Variants in KCNQ1OT1 observed in about 807,000 individuals in gnomAD.
The protein encoded by KCNQ1OT1 is KCNQ1 antisense RNA 2 (non-protein coding).
chr11:2,613,470 T>C lies in KCNQ1OT1; in HGVS notation n.86525A>G. 2 of 398,608 alleles carry C rather than the reference T, an allele frequency of 5.0e-6. No individual in the cohort carries two copies. The highest frequency in any genetic ancestry group is 8.8e-6 in the Non-Finnish European group (2 of 226,088). The allele number at this position is 398,608 out of a possible 1,614,324, so 24.7% of individuals were successfully genotyped here. On this transcript the variant is annotated non_coding_transcript_exon_variant, in exon 1 of 1. Transcript: ENST00000597346. This position sits in a 1 kb window ranked among gnomAD's most constrained non-coding sequence, Gnocchi z 4.8. ...AATTCAAAATCAGATGAGCCTTCTT[T>C]GTTGCTGGTCCTCAAGCCTACCGTG...
exon 1 of KCNQ1OT1, chr11:2,680,222 A>G (rs2133879528): frequency 2.5e-6 from 1 of 398,230 alleles, no homozygotes; most frequent in South Asian, 1.3e-4. Flanking sequence ...AAAAAAAAAA[A>G]AAAAAGTTGT....
rs1274854198 is a variant in KCNQ1OT1 at position 2,647,966 on chromosome 11, T to C, written n.52029A>G. On this transcript the variant is annotated non_coding_transcript_exon_variant, in exon 1 of 1. Transcript: ENST00000597346. This position sits in a 1 kb window ranked among gnomAD's most constrained non-coding sequence, Gnocchi z 4.0. Reference sequence around the variant, plus strand: ...TGTTGGCTCACACCTGTAAACCCAGTACTTTGGAAGGCCAAGGCAGGCCGA... The same window carrying C: ...TGTTGGCTCACACCTGTAAACCCAGCACTTTGGAAGGCCAAGGCAGGCCGA... The C allele has an allele frequency of 2.5e-6, 1 of 397,388 alleles. No individual in the cohort carries two copies. The highest frequency in any genetic ancestry group is 4.4e-6 in the Non-Finnish European group (1 of 225,944). The allele number at this position is 397,388 out of a possible 1,614,324, so 24.6% of individuals were successfully genotyped here.
rs368697384 is a variant in KCNQ1OT1 at position 2,627,734 on chromosome 11, T to TACAC, written n.72257_72260dup. 1 of 396,772 alleles carries TACAC rather than the reference T, an allele frequency of 2.5e-6. No individual in the cohort carries two copies. Among genetic ancestry groups the TACAC allele is most frequent in the African/African-American group, 2.1e-5 (1 of 48,452 alleles). The allele number at this position is 396,772 out of a possible 1,614,324, so 24.6% of individuals were successfully genotyped here. ...ATGTGTTTATTTGGGAATTTGGTGA[T>TACAC]ACACACACACACACTATTTTCTTCC... is the stretch of plus-strand genomic sequence containing the variant. On this transcript the variant is annotated non_coding_transcript_exon_variant, in exon 1 of 1. Transcript: ENST00000597346. The surrounding 1 kb of genome is among the most constrained non-coding windows in gnomAD (Gnocchi z 4.9).
At position 2,657,321 on chromosome 11, in the gene KCNQ1OT1, T is replaced by C. The variant is rs900263202; in HGVS notation, n.42674A>G. The C allele has an allele frequency of 1.0e-5, 4 of 398,530 alleles. No individual in the cohort carries two copies. Among genetic ancestry groups the C allele is most frequent in the South Asian group, 1.3e-4 (1 of 7,866 alleles). 24.7% of individuals were successfully genotyped at this position (398,530 alleles called of 1,614,324 possible). A position where few individuals can be genotyped will look rare whatever the true frequency, so the allele number is the denominator to read the frequency against. On this transcript the variant is annotated non_coding_transcript_exon_variant, in exon 1 of 1. Coordinates refer to ENST00000597346, the Ensembl canonical transcript of KCNQ1OT1. This position sits in a 1 kb window ranked among gnomAD's most constrained non-coding sequence, Gnocchi z 4.8. ...AGATTTTGAGATAATCTTTTCAGTA[T>C]TGAGTCTTCTAGTCATTGGAATGAA...
In KCNQ1OT1 at chr11:2,645,654, G is replaced by A. The variant is rs1282247893; in HGVS notation, n.54341C>T. On this transcript the variant is annotated non_coding_transcript_exon_variant, in exon 1 of 1. Coordinates refer to ENST00000597346, the Ensembl canonical transcript of KCNQ1OT1. This position sits in a 1 kb window ranked among gnomAD's most constrained non-coding sequence, Gnocchi z 5.8. ...TCCTCATGGCAGCCTTGCTTCGGAGGTAGCAGAGTATTGCCAATGGCTCAT... is the reference window on the plus strand; with the variant it reads ...TCCTCATGGCAGCCTTGCTTCGGAGATAGCAGAGTATTGCCAATGGCTCAT... 5.0e-6 allele frequency: 2 copies of A among 398,776 alleles called. No individual in the cohort carries two copies. Among genetic ancestry groups the A allele is most frequent in the Non-Finnish European group, 4.4e-6 (1 of 226,176 alleles). 24.7% of individuals were successfully genotyped at this position (398,776 alleles called of 1,614,324 possible).
Position 2,653,447 on chromosome 11 carries a change from T to C in KCNQ1OT1, n.46548A>G. On this transcript the variant is annotated non_coding_transcript_exon_variant, in exon 1 of 1. Coordinates refer to ENST00000597346, the Ensembl canonical transcript of KCNQ1OT1. This position sits in a 1 kb window ranked among gnomAD's most constrained non-coding sequence, Gnocchi z 5.3. ...CAAGCTTAAGCACAAAAGGGACATT[T>C]TTTGGCTCACACAGCTGGACCCAGC... The C allele has an allele frequency of 2.5e-6, 1 of 398,546 alleles. No individual in the cohort carries two copies. The highest frequency in any genetic ancestry group is 4.4e-6 in the Non-Finnish European group (1 of 226,072). The allele number at this position is 398,546 out of a possible 1,614,324, so 24.7% of individuals were successfully genotyped here.
exon 1 of KCNQ1OT1, chr11:2,694,787 T>C (rs1280257945): frequency 2.5e-6 from 1 of 398,508 alleles, no homozygotes; most frequent in African/African-American, 2.1e-5. Flanking sequence ...TTGCAGAGAC[T>C]CGAAAGGTAG....
chr11:2,608,606 T>G lies in KCNQ1OT1; in HGVS notation n.91389A>C, dbSNP rs1027168784. ...TCCTTGCCCCTTAGCCTATGACAGG[T>G]GTGCACCACAACACCAGCTGTTATT... On this transcript the variant is annotated non_coding_transcript_exon_variant, in exon 1 of 1. Transcript: ENST00000597346. The surrounding 1 kb of genome is among the most constrained non-coding windows in gnomAD (Gnocchi z 4.6). 19 of 398,388 alleles carry G rather than the reference T, an allele frequency of 4.8e-5. No homozygotes were observed. The allele number at this position is 398,388 out of a possible 1,614,324, so 24.7% of individuals were successfully genotyped here.
exon 1 of KCNQ1OT1, chr11:2,667,866 T>G: frequency 2.5e-6 from 1 of 398,572 alleles, no homozygotes; most frequent in Non-Finnish European, 4.4e-6. Flanking sequence ...TGCACACAGA[T>G]TAGTACACAG....
In KCNQ1OT1 at chr11:2,662,027, A is replaced by AGGACCT. The variant is rs1254052516; in HGVS notation, n.37962_37967dup. The AGGACCT allele has an allele frequency of 2.5e-6, 4 of 1,614,238 alleles. No homozygotes were observed. In the South Asian group the frequency reaches 3.3e-5, roughly 13 times the overall value. On this transcript the variant is annotated non_coding_transcript_exon_variant, in exon 1 of 1. Coordinates refer to ENST00000597346, the Ensembl canonical transcript of KCNQ1OT1. ...TTCATGAGAACCAACAGCTTCGCCG[A>AGGACCT]GGACCTGGACCTGGAAGGGGAGACT...
exon 1 of KCNQ1OT1, chr11:2,680,371 G>A: frequency 2.5e-6 from 1 of 398,058 alleles, no homozygotes. Flanking sequence ...TTACCCACAT[G>A]TTCAAATCCA....
Position 2,664,314 on chromosome 11 carries a change from G to A in KCNQ1OT1, n.35681C>T. 1 of 399,032 alleles carries A rather than the reference G, an allele frequency of 2.5e-6. No individual in the cohort carries two copies. Among genetic ancestry groups the A allele is most frequent in the Non-Finnish European group, 4.4e-6 (1 of 226,366 alleles). 24.7% of individuals were successfully genotyped at this position (399,032 alleles called of 1,614,324 possible). A position where few individuals can be genotyped will look rare whatever the true frequency, so the allele number is the denominator to read the frequency against. On this transcript the variant is annotated non_coding_transcript_exon_variant, in exon 1 of 1. Coordinates refer to ENST00000597346, the Ensembl canonical transcript of KCNQ1OT1. This position sits in a 1 kb window ranked among gnomAD's most constrained non-coding sequence, Gnocchi z 5.1. ...CTTGAGGCATTGTGTTCTGGTCAGG[G>A]AAGACTCAGGGCTGAGGCTTCAGGG... is the stretch of plus-strand genomic sequence containing the variant.
rs1195402516 is a variant in KCNQ1OT1, at chr11:2,659,142, C to CT, written n.40852dup. On this transcript the variant is annotated non_coding_transcript_exon_variant, in exon 1 of 1. Transcript: ENST00000597346. The surrounding 1 kb of genome is among the most constrained non-coding windows in gnomAD (Gnocchi z 4.3). Reference sequence around the variant, plus strand: ...AAATTTGCATACAGTAAAATCCACTCTTTGAGATTCAGTTCTGTGGGTTTT... The same window carrying CT: ...AAATTTGCATACAGTAAAATCCACTCTTTTGAGATTCAGTTCTGTGGGTTTT... 2.3e-5 allele frequency: 9 copies of CT among 398,616 alleles called. No individual in the cohort carries two copies. The East Asian group carries it at 2.8e-4, about 13-fold the overall frequency. 24.7% of individuals were successfully genotyped at this position (398,616 alleles called of 1,614,324 possible).
At chr11:2,665,711 T>C in exon 1 of KCNQ1OT1, 1 of 398,174 alleles carries the variant, frequency 2.5e-6, no homozygotes, top group African/African-American at 2.1e-5. Context: ...TGTATAGCCC[T>C]CTTGGTCTCT....
Position 2,627,299 on chromosome 11 carries a change from C to T in KCNQ1OT1, n.72696G>A. On this transcript the variant is annotated non_coding_transcript_exon_variant, in exon 1 of 1. Coordinates refer to ENST00000597346, the Ensembl canonical transcript of KCNQ1OT1. The surrounding 1 kb of genome is among the most constrained non-coding windows in gnomAD (Gnocchi z 4.9). ...ATTAACATATACCTTACATAGTTGCCATGTGTGTGCGTGTGTGTGGTCAGA... is the reference window on the plus strand; with the variant it reads ...ATTAACATATACCTTACATAGTTGCTATGTGTGTGCGTGTGTGTGGTCAGA... 3 of 398,450 alleles carry T rather than the reference C, an allele frequency of 7.5e-6. No homozygotes were observed. The allele number at this position is 398,450 out of a possible 1,614,324, so 24.7% of individuals were successfully genotyped here.
At chr11:2,616,078 G>A (rs931554277) in exon 1 of KCNQ1OT1, 7 of 397,840 alleles carry the variant, frequency 1.8e-5, no homozygotes, top group Non-Finnish European at 3.1e-5. Context: ...GTTTTGGTCT[G>A]TATTAGTATT....
At chr11:2,640,680 A>C in exon 1 of KCNQ1OT1, 1 of 398,174 alleles carries the variant, frequency 2.5e-6, no homozygotes, top group Non-Finnish European at 4.4e-6. Context: ...TATCATCTCT[A>C]TAGTTAGGAA....
chr11:2,662,391 C>T (rs1444161642), exon 1 of KCNQ1OT1: 1 of 511,056 alleles, frequency 2.0e-6, no homozygotes, highest in Non-Finnish European at 3.4e-6. Context: ...CCCTCCCCTG[C>T]CCCCCAAAAA....
chr11:2,628,629 C>G (rs1849298965), exon 1 of KCNQ1OT1: 6 of 398,340 alleles, frequency 1.5e-5, no homozygotes, highest in Non-Finnish European at 2.7e-5. Context: ...TGTGCAGACA[C>G]TTTTTTGTTT....
Sources: gnomAD v4.1 joint callset for allele counts on GRCh38, gnomAD v4.1.1 for gene constraint, Gnocchi (gnomAD v3.1) non-coding constraint, MANE v1.5 for transcripts, NCBI Gene and HGNC (gene_info 2026-07-23, HGNC 2026-07-21) for gene names.